Variants in IFNGR2 observed in about 807,000 individuals in gnomAD.
IFNGR2 encodes IFN-gamma receptor 2.
A neutral mutation model predicts 41.1 loss-of-function variants in IFNGR2; 15 were observed. The observed-to-expected ratio is 0.37, with a 90% CI of 0.24 to 0.56. The LOEUF (loss-of-function observed/expected upper bound fraction) is 0.56. Ranked by LOEUF, IFNGR2 falls within the 20% of genes least tolerant of loss-of-function variation. The pLI is 0.81. For missense variants in IFNGR2, 362 were observed against 415.7 expected (o/e 0.87, Z 1.12); for synonymous variants, 161 against 171.6 (o/e 0.94, Z 0.48).
chr21:33,416,522 G>A (rs1221739122), intron 2 of IFNGR2, among the ~76,000 whole-genome samples: 2 of 152,116 alleles, frequency 1.3e-5, no homozygotes, highest in East Asian at 1.9e-4. Context: ...GCTCACACCT[G>A]TAAAAGAATA....
intron 4 of IFNGR2, among the ~76,000 whole-genome samples, chr21:33,430,100 C>T (rs567051080): frequency 1.3e-5 from 2 of 152,308 alleles, no homozygotes; most frequent in African/African-American, 4.8e-5. Flanking sequence ...GATCACACTA[C>T]TGCACTCCAG....
chr21:33,405,322 C>G (rs977128744), intron 1 of IFNGR2, among the ~76,000 whole-genome samples: 4 of 152,114 alleles, frequency 2.6e-5, no homozygotes, highest in African/African-American at 9.7e-5. Context: ...TTGCAAAGGC[C>G]CATAAGTTCC....
At chr21:33,424,446 C>T (rs903050238) in intron 3 of IFNGR2, among the ~76,000 whole-genome samples, 40 of 152,310 alleles carry the variant, frequency 2.6e-4, no homozygotes, top group African/African-American at 9.1e-4. Flanking sequence ...CTGTTAGTTA[C>T]TGGCTGGGCT....
At chr21:33,410,426 A>G (rs566802787) in intron 1 of IFNGR2, among the ~76,000 whole-genome samples, 1 of 151,278 alleles carries the variant, frequency 6.6e-6, no homozygotes, top group Non-Finnish European at 1.5e-5. Context: ...TGGCCTCCCA[A>G]AGTGCTGAGA....
At chr21:33,406,023 C>CT (rs1251819745) in intron 1 of IFNGR2, among the ~76,000 whole-genome samples, 1 of 151,178 alleles carries the variant, frequency 6.6e-6, no homozygotes, top group Non-Finnish European at 1.5e-5. Flanking sequence ...GAGCAAGACT[C>CT]TATCTCAAAA....
rs780940264 is a variant in IFNGR2 at position 33,421,578 on chromosome 21, C to T, written c.305C>T (p.Ser102Leu). The T allele has an allele frequency of 6.2e-7, 1 of 1,614,072 alleles. No homozygotes were observed. Among genetic ancestry groups the T allele is most frequent in the South Asian group, 1.1e-5 (1 of 91,086 alleles). ...TGTGACTTCACTGCCGCCAGTCCCT[C>T]AGCAGGCTTCCCAATGGATTTCAAT... Reference protein sequence around the residue: ...TECDFTAASPSAGFPMDFNVT... With the variant: ...TECDFTAASPLAGFPMDFNVT... The change falls in exon 3 of 7, where the codon TCA becomes TTA. Residue 102 changes from serine (S) to leucine (L), a missense_variant. Physicochemically the swap from Ser to Leu is moderately radical, Grantham distance 145 (BLOSUM62 -2). Coordinates refer to ENST00000290219, the MANE Select transcript of IFNGR2 (RefSeq NM_005534.4).
At chr21:33,408,340 T>C (rs569054582) in intron 1 of IFNGR2, among the ~76,000 whole-genome samples, 1 of 151,934 alleles carries the variant, frequency 6.6e-6, no homozygotes, top group Non-Finnish European at 1.5e-5. Flanking sequence ...GTGATTACAG[T>C]ATGCACCACC....
At chr21:33,419,602 A>G (rs775139242) in intron 2 of IFNGR2, among the ~76,000 whole-genome samples, 7 of 152,138 alleles carry the variant, frequency 4.6e-5, no homozygotes, top group African/African-American at 7.2e-5. Flanking sequence ...TGTATGTTTC[A>G]TTATGTGACA....
chr21:33,434,413 A>G (rs540479743), intron 6 of IFNGR2, among the ~76,000 whole-genome samples: 6 of 152,172 alleles, frequency 3.9e-5, no homozygotes, highest in East Asian at 1.9e-4. Context: ...TCCCAGCTAC[A>G]TGAGAGGCTG....
intron 2 of IFNGR2, among the ~76,000 whole-genome samples, chr21:33,415,640 G>A (rs1288359868): frequency 6.6e-6 from 1 of 152,144 alleles, no homozygotes; most frequent in Admixed American, 6.6e-5. Context: ...TGAAGTTATT[G>A]GCTAAGTCAT....
Position 33,403,499 on chromosome 21 carries a change from C to T in IFNGR2, c.-45C>T. The T allele has an allele frequency of 5.3e-6, 6 of 1,141,384 alleles. No individual in the cohort carries two copies. The highest frequency in any genetic ancestry group is 3.7e-5 in the South Asian group (1 of 27,232). The allele number at this position is 1,141,384 out of a possible 1,614,324, so 70.7% of individuals were successfully genotyped here. On this transcript the variant is annotated 5_prime_UTR_variant, in exon 1 of 7. Transcript: ENST00000290219. ...CGTGAGCGGCTCCGCGGACCCCGAG[C>T]GGGGCCCCGGCCGCGACCTGAGCCG...
rs543301434 is a variant in IFNGR2, at chr21:33,411,031, A to G, written c.74-3857A>G. On this transcript the variant is annotated intron_variant, in intron 1 of 6. Coordinates refer to ENST00000290219, the MANE Select transcript of IFNGR2 (RefSeq NM_005534.4). Reference sequence around the variant, plus strand: ...AACACAGAGGCTGGGCTGCCCAAGGACAGGCCCCCTGGCCTACAAAAAGGA... The same window carrying G: ...AACACAGAGGCTGGGCTGCCCAAGGGCAGGCCCCCTGGCCTACAAAAAGGA... The G allele has an allele frequency of 5.3e-5, 36 of 677,652 alleles. No homozygotes were observed. The South Asian group carries it at 5.7e-4, about 11-fold the overall frequency. The allele number at this position is 677,652 out of a possible 1,614,324, so 42.0% of individuals were successfully genotyped here.
chr21:33,426,739 GAGAT>G, intron 3 of IFNGR2, 141 bp from the exon 4 acceptor site: 1 of 460,034 alleles, frequency 2.2e-6, no homozygotes, highest in Non-Finnish European at 3.6e-6. Context: ...AATAAATAAA[GAGAT>G]AGATAAAAAC....
chr21:33,419,771 A>G (rs1465370140), intron 2 of IFNGR2, among the ~76,000 whole-genome samples: 1 of 152,050 alleles, frequency 6.6e-6, no homozygotes, highest in African/African-American at 2.4e-5. Context: ...GGACTTACTT[A>G]ATGTTTTTGT....
At position 33,432,988 on chromosome 21, in the gene IFNGR2, C is replaced by A; in HGVS notation, c.879+117C>A. 3 of 849,786 alleles carry A rather than the reference C, an allele frequency of 3.5e-6. No homozygotes were observed. The South Asian group carries it at 4.4e-5, about 12-fold the overall frequency. 52.6% of individuals were successfully genotyped at this position (849,786 alleles called of 1,614,324 possible). ...GCAGCCTCCATCTCCCAGGTTCAAG[C>A]GATTCTCCTGCCTCAGCCTCCTGAG... On this transcript the variant is annotated intron_variant, in intron 6 of 6. Transcript: ENST00000290219.
In IFNGR2 at chr21:33,430,717, T is replaced by C. The variant is rs184257243; in HGVS notation, c.562-1460T>C. Among the ~76,000 whole-genome samples the C allele has an allele frequency of 6.0e-3, 917 of 152,296 alleles. 39 individuals carry two copies. The highest frequency in any genetic ancestry group is 0.055 in the Admixed American group (844 of 15,296). On this transcript the variant is annotated intron_variant, in intron 4 of 6. Transcript: ENST00000290219. ...ATCCTCCCACCTCAGCCTCCCAAAGTGCTGGAATTACAGGCATGAGCCACC... is the reference window on the plus strand; with the variant it reads ...ATCCTCCCACCTCAGCCTCCCAAAGCGCTGGAATTACAGGCATGAGCCACC...
chr21:33,428,825 C>T (rs1350981550), intron 4 of IFNGR2, among the ~76,000 whole-genome samples: 2 of 152,220 alleles, frequency 1.3e-5, no homozygotes, highest in African/African-American at 4.8e-5. Context: ...GCCATGCTCC[C>T]TCCCCAAGGG....
intron 6 of IFNGR2, among the ~76,000 whole-genome samples, chr21:33,435,132 T>A (rs1431950439): frequency 1.3e-5 from 2 of 152,226 alleles, no homozygotes; most frequent in Non-Finnish European, 2.9e-5. Context: ...ACTAGATTCT[T>A]GGTAACTTGG....
intron 2 of IFNGR2, among the ~76,000 whole-genome samples, chr21:33,420,895 A>C (rs1448365843): frequency 6.6e-6 from 1 of 152,002 alleles, no homozygotes; most frequent in South Asian, 2.1e-4. Flanking sequence ...AAAGAAATTA[A>C]AAATAAAAAT....
Sources: allele counts gnomAD v4.1 joint callset (sites outside exome capture counted in the v4.1 genomes callset), GRCh38; gene constraint gnomAD v4.1.1; transcripts MANE v1.5; gene names NCBI Gene and HGNC (gene_info 2026-07-23, HGNC 2026-07-21).